The following RADIL variants were observed in gnomAD, a reference collection of about 807,000 sequenced individuals.
RADIL encodes Rap associating with DIL domain, also known as ras-associating and dilute domain-containing protein.
In RADIL, 99 loss-of-function variants were observed where a neutral mutation model predicts 97.6. The observed-to-expected ratio is 1.01, with a 90% CI of 0.86 to 1.20. The LOEUF (loss-of-function observed/expected upper bound fraction) is 1.20. Ranked by LOEUF, RADIL falls within the 50% of genes most tolerant of loss-of-function variation. The pLI is 0.00. For synonymous variants in RADIL, 803 were observed against 691.8 expected (o/e 1.16, Z -2.52); for missense variants, 1,765 against 1,498.9 (o/e 1.18, Z -2.93).
At chr7:4,801,568 G>A in intron 12 of RADIL, 85 bp downstream of exon 12, 1 of 1,418,842 alleles carries the variant, frequency 7.0e-7, no homozygotes, top group Non-Finnish European at 9.5e-7. Flanking sequence ...AGGACCCAAG[G>A]GGGGAACGAT....
rs1781994171 is a variant in RADIL at position 4,799,225 on chromosome 7, G to C, written c.*153C>G. ...GCCATATAAATAGAACCTACACTGA[G>C]ATGCATGTTATCAACAGGCATGTCC... On this transcript the variant is annotated 3_prime_UTR_variant, in exon 15 of 15. Coordinates refer to ENST00000399583, the MANE Select transcript of RADIL (RefSeq NM_018059.5). The C allele has an allele frequency of 7.9e-6, 5 of 629,730 alleles. No individual in the cohort carries two copies. The highest frequency in any genetic ancestry group is 1.4e-5 in the Non-Finnish European group (5 of 354,544). 39.0% of individuals were successfully genotyped at this position (629,730 alleles called of 1,614,324 possible).
At chr7:4,809,009 C>A in intron 9 of RADIL, 3 of 683,750 alleles carry the variant, frequency 4.4e-6, no homozygotes, top group Non-Finnish European at 5.1e-6. Context: ...CCCCTTCCGA[C>A]GCCACTGCCC....
intron 1 of RADIL, among the ~76,000 whole-genome samples, chr7:4,881,239 C>A (rs1274223461): frequency 1.4e-5 from 2 of 144,848 alleles, no homozygotes; most frequent in Non-Finnish European, 3.0e-5. Context: ...CACTATGAAA[C>A]CCTTTTTCTA....
intron 5 of RADIL, among the ~76,000 whole-genome samples, chr7:4,827,453 C>T (rs541699069): frequency 4.0e-5 from 6 of 150,620 alleles, no homozygotes; most frequent in East Asian, 3.9e-4. Flanking sequence ...AGAGGTCAGG[C>T]GATCAAGACC....
chr7:4,869,491 T>G (rs1172303567), intron 2 of RADIL, among the ~76,000 whole-genome samples: 1 of 152,018 alleles, frequency 6.6e-6, no homozygotes, highest in Admixed American at 6.5e-5. Context: ...TAATTTTACC[T>G]TTGACACGTA....
chr7:4,835,002 G>A lies in RADIL; in HGVS notation c.1021C>T (p.His341Tyr). The A allele has an allele frequency of 6.2e-7, 1 of 1,611,588 alleles. No individual in the cohort carries two copies. The highest frequency in any genetic ancestry group is 8.5e-7 in the Non-Finnish European group (1 of 1,179,396). ...AGCCCCAGGGAGAGCAGGTCCCCGT[G>A]GTGCAGCACCACGGTCCTGTGCCCC... is the stretch of plus-strand genomic sequence containing the variant. ...EVGHRTVVLH[H>Y]GDLLSLGLYY... The change falls in exon 4 of 15, where the codon CAC (histidine) becomes TAC (tyrosine). Residue 341 changes from histidine to tyrosine, a missense_variant. His to Tyr is a moderately conservative substitution (Grantham distance 83, BLOSUM62 2). Coordinates refer to ENST00000399583, the MANE Select transcript of RADIL (RefSeq NM_018059.5). The surrounding 1 kb of genome is among the most constrained non-coding windows in gnomAD (Gnocchi z 5.8).
At chr7:4,866,370 T>C (rs10239532) in intron 2 of RADIL, among the ~76,000 whole-genome samples, 13,173 of 152,234 alleles carry the variant, frequency 0.087, 923 homozygotes, top group African/African-American at 0.19. Flanking sequence ...TGAAATGGAT[T>C]TGTTTTGTCT....
chr7:4,820,646 C>T (rs367925933), intron 6 of RADIL, among the ~76,000 whole-genome samples: 21 of 152,318 alleles, frequency 1.4e-4, no homozygotes, highest in South Asian at 1.0e-3. Context: ...GGGAAGGAAC[C>T]GTGGCCGGCA....
chr7:4,870,680 G>A (rs570807182), intron 2 of RADIL, among the ~76,000 whole-genome samples: 2 of 152,162 alleles, frequency 1.3e-5, no homozygotes, highest in Non-Finnish European at 2.9e-5. Flanking sequence ...CTGACCTCAG[G>A]TGATCCACCC....
chr7:4,838,852 G>A (rs1328978498), intron 2 of RADIL, among the ~76,000 whole-genome samples: 2 of 152,360 alleles, frequency 1.3e-5, no homozygotes, highest in Non-Finnish European at 2.9e-5. Context: ...CCGTGGGCAT[G>A]GCCAGTGTGG....
rs907295379 is a variant in RADIL, at chr7:4,811,632, C to T, written c.2139+3646G>A. The stretch of plus-strand genomic sequence containing the variant: ...CCTCCCAAGTAGCTGGGACTACAGG[C>T]GCCCGCCACCGTGCCCGGCTAATTT... On this transcript the variant is annotated intron_variant, in intron 9 of 14. Coordinates refer to ENST00000399583, the MANE Select transcript of RADIL (RefSeq NM_018059.5). 7.3e-5 allele frequency among the ~76,000 whole-genome samples: 11 copies of T among 151,516 alleles called. No homozygotes were observed. The East Asian group carries it at 1.6e-3, about 22-fold the overall frequency.
In RADIL at chr7:4,801,921, T is replaced by C; in HGVS notation, c.2574A>G (p.Pro858=). ...GCTCCGGGGCCACTTCCCGGGCTGC[T>C]GGGCCAGGGTCCCTGGGAGCCAGGG... ...SCPLAPRDPG[P]AAREVAPERT... The change falls in exon 12 of 15, where the codon CCA becomes CCG. Residue 858 remains proline, a synonymous_variant. Transcript: ENST00000399583. The C allele has an allele frequency of 6.4e-7, 1 of 1,568,064 alleles. No homozygotes were observed. The highest frequency in any genetic ancestry group is 8.6e-7 in the Non-Finnish European group (1 of 1,158,582).
At chr7:4,844,658 C>T (rs1783526361) in intron 2 of RADIL, among the ~76,000 whole-genome samples, 1 of 152,054 alleles carries the variant, frequency 6.6e-6, no homozygotes, top group Non-Finnish European at 1.5e-5. Context: ...GGCTGGAGTG[C>T]AATGGCACGA....
At chr7:4,830,193 A>G (rs1211538792) in intron 5 of RADIL, among the ~76,000 whole-genome samples, 1 of 152,204 alleles carries the variant, frequency 6.6e-6, no homozygotes, top group Non-Finnish European at 1.5e-5. Flanking sequence ...CTTTTTCCCA[A>G]CATTGTCTTG....
In RADIL at chr7:4,815,485, T is replaced by C. The variant is rs370164883; in HGVS notation, c.1967-35A>G. 367 of 1,465,570 alleles carry C rather than the reference T, an allele frequency of 2.5e-4. No individual in the cohort carries two copies. Among genetic ancestry groups the C allele is most frequent in the Non-Finnish European group, 3.2e-4 (355 of 1,104,138 alleles). The allele number at this position is 1,465,570 out of a possible 1,614,324, so 90.8% of individuals were successfully genotyped here. A position where few individuals can be genotyped will look rare whatever the true frequency, so the allele number is the denominator to read the frequency against. ...GAAGAAGGGAGGGTGATGCCTGGGC[T>C]GCCCTCCTGGGGGGACACAGACATG... On this transcript the variant is annotated intron_variant, in intron 8 of 14. Coordinates refer to ENST00000399583, the MANE Select transcript of RADIL (RefSeq NM_018059.5). This position sits in a 1 kb window ranked among gnomAD's most constrained non-coding sequence, Gnocchi z 8.0.
At position 4,872,234 on chromosome 7, in the gene RADIL, A is replaced by T. The variant is rs1187505630; in HGVS notation, c.535+5371T>A. Among the ~76,000 whole-genome samples the T allele has an allele frequency of 6.6e-6, 1 of 152,198 alleles. No individual in the cohort carries two copies. The highest frequency in any genetic ancestry group is 6.5e-5 in the Admixed American group (1 of 15,286). ...GTCTGCCTCCAGGGAACATCTGGCC[A>T]TGTCTGCAGACATCTTTGGTTGTTA... On this transcript the variant is annotated intron_variant, in intron 2 of 14. Transcript: ENST00000399583. This position sits in a 1 kb window ranked among gnomAD's most constrained non-coding sequence, Gnocchi z 5.8.
rs184969188 is a variant in RADIL at position 4,814,983 on chromosome 7, G to C, written c.2139+295C>G. Among the ~76,000 whole-genome samples the C allele has an allele frequency of 6.6e-6, 1 of 152,188 alleles. No homozygotes were observed. Among genetic ancestry groups the C allele is most frequent in the Non-Finnish European group, 1.5e-5 (1 of 68,044 alleles). ...CCACCCGGATACCCAGGTCATCTCC[G>C]AATCTCAAGGTCCTTAATCGTAGTC... On this transcript the variant is annotated intron_variant, in intron 9 of 14. Coordinates refer to ENST00000399583, the MANE Select transcript of RADIL (RefSeq NM_018059.5). The surrounding 1 kb of genome is among the most constrained non-coding windows in gnomAD (Gnocchi z 4.5).
chr7:4,830,693 C>G (rs1382301875), intron 5 of RADIL, among the ~76,000 whole-genome samples: 1 of 152,046 alleles, frequency 6.6e-6, no homozygotes, highest in African/African-American at 2.4e-5. Context: ...GCCTCACCAA[C>G]ATGGAGAATC....
At position 4,878,320 on chromosome 7, in the gene RADIL, G is replaced by C. The variant is rs969683421; in HGVS notation, c.-64-117C>G. 1.5e-6 allele frequency: 1 copy of C among 671,288 alleles called. No individual in the cohort carries two copies. Among genetic ancestry groups the C allele is most frequent in the South Asian group, 2.0e-5 (1 of 49,408 alleles). The allele number at this position is 671,288 out of a possible 1,614,324, so 41.6% of individuals were successfully genotyped here. A position where few individuals can be genotyped will look rare whatever the true frequency, so the allele number is the denominator to read the frequency against. On this transcript the variant is annotated intron_variant, in intron 1 of 14. Coordinates refer to ENST00000399583, the MANE Select transcript of RADIL (RefSeq NM_018059.5). This position sits in a 1 kb window ranked among gnomAD's most constrained non-coding sequence, Gnocchi z 4.1. ...GCGCTTTAGAAGGCCAAGGTGGGAG[G>C]ACGGCTTGAGCCCGGGAGTTCCAGA...
Sources: gnomAD v4.1 joint callset for allele counts (sites outside exome capture counted in the v4.1 genomes callset) on GRCh38, gnomAD v4.1.1 for gene constraint, Gnocchi (gnomAD v3.1) non-coding constraint, MANE v1.5 for transcripts, NCBI Gene and HGNC (gene_info 2026-07-23, HGNC 2026-07-21) for gene names.